POLN: variants seen among roughly 807,000 people sequenced by gnomAD.
POLN encodes the protein DNA polymerase N.
In POLN, 108 loss-of-function variants were observed where a neutral mutation model predicts 113.5. That is an observed-to-expected ratio of 0.95 (90% CI 0.81 to 1.12). The LOEUF is 1.12. POLN is among the 50% of genes most tolerant of loss of function. The pLI, the probability that POLN is intolerant of heterozygous loss-of-function variation, is 0.00. For synonymous variants in POLN, 386 were observed against 391.5 expected, an observed-to-expected ratio of 0.99 and a Z score of 0.17; for missense variants, 1,097 against 1,077.1, an observed-to-expected ratio of 1.02 and a Z score of -0.26.
chr4:2,165,925 C>T (rs933614021), intron 13 of POLN, among the ~76,000 whole-genome samples: 2 of 152,002 alleles, frequency 1.3e-5, no homozygotes, highest in Non-Finnish European at 2.9e-5. Context: ...TACCAGTGTG[C>T]ACCACCATAC....
At chr4:2,134,868 G>C (rs1009063641) in intron 16 of POLN, among the ~76,000 whole-genome samples, 1 of 152,190 alleles carries the variant, frequency 6.6e-6, no homozygotes, top group Non-Finnish European at 1.5e-5. Flanking sequence ...CTGAATGAGT[G>C]AGACAGAGAG....
intron 3 of POLN, among the ~76,000 whole-genome samples, chr4:2,225,329 T>C (rs1180616026): frequency 6.6e-6 from 1 of 151,610 alleles, no homozygotes; most frequent in Non-Finnish European, 1.5e-5. Flanking sequence ...CCGAGGTGGG[T>C]GGATCACTTG....
chr4:2,118,416 A>C (rs1010723252), intron 19 of POLN, among the ~76,000 whole-genome samples: 3 of 152,210 alleles, frequency 2.0e-5, no homozygotes, highest in Non-Finnish European at 4.4e-5. Context: ...TTTCATTCCT[A>C]CTTGTACATA....
intron 3 of POLN, among the ~76,000 whole-genome samples, chr4:2,220,212 G>C (rs1246954608): frequency 6.6e-6 from 1 of 152,152 alleles, no homozygotes; most frequent in Non-Finnish European, 1.5e-5. Context: ...GGGTGCTAGA[G>C]GGACGCTGTC....
intron 3 of POLN, among the ~76,000 whole-genome samples, chr4:2,217,913 T>C (rs1734150643): frequency 1.3e-5 from 2 of 152,236 alleles, no homozygotes; most frequent in African/African-American, 4.8e-5. Context: ...TATCAGGTGT[T>C]ATGGTTCACT....
intron 5 of POLN, 116 bp from the exon 6 acceptor site, chr4:2,198,833 G>T: frequency 1.9e-6 from 2 of 1,030,738 alleles, no homozygotes; most frequent in Non-Finnish European, 2.7e-6. Context: ...ACTTGTAAAT[G>T]AATAGTTTTT....
chr4:2,073,223 G>C (rs1219878683), intron 24 of POLN, among the ~76,000 whole-genome samples, 194 bp from the exon 25 acceptor site: 2 of 152,156 alleles, frequency 1.3e-5, no homozygotes, highest in Non-Finnish European at 2.9e-5. Context: ...CAGCCCCTGA[G>C]GCTGAGTCCA....
chr4:2,188,609 CAAA>C (rs199784071), intron 7 of POLN, among the ~76,000 whole-genome samples: 37,217 of 150,888 alleles, frequency 0.25, 7,080 homozygotes, highest in African/African-American at 0.51. Flanking sequence ...TCAAAAAAAA[CAAA>C]AAACAAAAAA....
intron 16 of POLN, chr4:2,140,862 AC>A (rs1731983896): frequency 6.6e-6 from 1 of 152,112 alleles, no homozygotes; most frequent in Non-Finnish European, 1.5e-5. Context: ...GGTGCCCACC[AC>A]CCCCCTCCTT....
chr4:2,174,738 C>T lies in POLN; in HGVS notation c.1262G>A (p.Trp421Ter). 6.2e-7 allele frequency: 1 copy of T among 1,603,988 alleles called. No individual in the cohort carries two copies. The highest frequency in any genetic ancestry group is 8.5e-7 in the Non-Finnish European group (1 of 1,171,460). Residue 421 changes from tryptophan (W) to a stop codon, truncating the protein, a stop_gained, in exon 10 of 26, where the codon TGG becomes TAG. Coordinates refer to ENST00000511885, the MANE Select transcript of POLN (RefSeq NM_181808.4). LOFTEE classifies it high-confidence loss of function. Reference protein sequence around the residue: ...LCSKLKDYGLWQLFRTLELPL... With the variant: ...LCSKLKDYGL Reference sequence around the variant, plus strand: ...AAGCTCCAAAGTACGAAATAGTTGCCATAAACCATAATCCTGTTTAATAGG... The same window carrying T: ...AAGCTCCAAAGTACGAAATAGTTGCTATAAACCATAATCCTGTTTAATAGG...
chr4:2,124,011 T>C (rs914725344), intron 19 of POLN, among the ~76,000 whole-genome samples: 2 of 152,138 alleles, frequency 1.3e-5, no homozygotes, highest in African/African-American at 4.8e-5. Context: ...TTTTTCAGCC[T>C]TAAAAAGGAA....
chr4:2,240,282 A>G, intron 2 of POLN: 3 of 1,613,286 alleles, frequency 1.9e-6, no homozygotes, highest in African/African-American at 1.3e-5. Context: ...ACCCTGAAAG[A>G]ACTGTTTTTT....
At chr4:2,112,766 G>A (rs1197196292) in intron 19 of POLN, among the ~76,000 whole-genome samples, 4 of 152,148 alleles carry the variant, frequency 2.6e-5, no homozygotes, top group African/African-American at 4.8e-5. Flanking sequence ...GGAGCAATAG[G>A]AACACTTTTA....
At chr4:2,191,275 C>G (rs533176515) in intron 7 of POLN, among the ~76,000 whole-genome samples, 2 of 152,156 alleles carry the variant, frequency 1.3e-5, no homozygotes, top group African/African-American at 4.8e-5. Flanking sequence ...TATGTAGGAG[C>G]TGAGAAAGCA....
intron 24 of POLN, 54 bp downstream of exon 24, chr4:2,075,398 G>A (rs1028401335): frequency 3.2e-6 from 5 of 1,579,174 alleles, no homozygotes; most frequent in Non-Finnish European, 1.7e-6. Context: ...GGGGCATGGA[G>A]CCTCCTCTTA....
intron 23 of POLN, among the ~76,000 whole-genome samples, chr4:2,077,508 G>A (rs1730304686): frequency 6.6e-6 from 1 of 152,238 alleles, no homozygotes. Flanking sequence ...CGTGGGCACT[G>A]CCCTTCCAGA....
intron 19 of POLN, among the ~76,000 whole-genome samples, chr4:2,104,604 G>C (rs2108707006): frequency 6.6e-6 from 1 of 152,276 alleles, no homozygotes; most frequent in Middle Eastern, 3.4e-3. Context: ...CAACCCTGAA[G>C]CCCTTAACAA....
rs114760744 is a variant in POLN at position 2,161,478 on chromosome 4, C to T, written c.1555-2267G>A. On this transcript the variant is annotated intron_variant, in intron 13 of 25. Transcript: ENST00000511885. ...AGCCCACCGGCGCTGCGCTCGATTTCTCACCCGGCCTTAGCTGCCTTCCAT... is the reference window on the plus strand; with the variant it reads ...AGCCCACCGGCGCTGCGCTCGATTTTTCACCCGGCCTTAGCTGCCTTCCAT... Among the ~76,000 whole-genome samples the T allele has an allele frequency of 3.3e-5, 5 of 152,260 alleles. 1 individual carries two copies. Among genetic ancestry groups the T allele is most frequent in the Admixed American group, 2.6e-4 (4 of 15,294 alleles).
chr4:2,104,535 G>T (rs1228205208), intron 19 of POLN, among the ~76,000 whole-genome samples: 6 of 152,168 alleles, frequency 3.9e-5, no homozygotes, highest in Non-Finnish European at 8.8e-5. Flanking sequence ...TTATTTTGTA[G>T]AAAAGCAGGA....
Sources: allele counts gnomAD v4.1 joint callset (sites outside exome capture counted in the v4.1 genomes callset), GRCh38; gene constraint gnomAD v4.1.1; transcripts MANE v1.5; gene names NCBI Gene and HGNC (gene_info 2026-07-23, HGNC 2026-07-21).